ZDHHC13: variants seen among roughly 807,000 people sequenced by gnomAD.
The protein encoded by ZDHHC13 is palmitoyltransferase ZDHHC13.
A neutral mutation model predicts 86.0 loss-of-function variants in ZDHHC13; 85 were observed. The observed-to-expected ratio is 0.99, with a 90% CI of 0.83 to 1.18. The LOEUF (loss-of-function observed/expected upper bound fraction) is 1.18, where lower values mean the gene tolerates loss of function less well. Ranked by LOEUF, ZDHHC13 falls within the 50% of genes most tolerant of loss-of-function variation. The pLI is 0.00. For synonymous variants in ZDHHC13, 263 were observed against 246.4 expected (o/e 1.07, Z -0.63); for missense variants, 711 against 730.2 (o/e 0.97, Z 0.30).
chr11:19,170,828 G>A (rs1850202748), intron 15 of ZDHHC13, among the ~76,000 whole-genome samples: 1 of 152,198 alleles, frequency 6.6e-6, no homozygotes, highest in Non-Finnish European at 1.5e-5. Flanking sequence ...TGACCTAGGA[G>A]TTACCTAATC....
intron 1 of ZDHHC13, among the ~76,000 whole-genome samples, chr11:19,129,866 G>T (rs1432152986): frequency 6.6e-6 from 1 of 152,148 alleles, no homozygotes; most frequent in African/African-American, 2.4e-5. Context: ...GCCGAGGCGG[G>T]TGGATCATGA....
chr11:19,168,787 A>G, intron 14 of ZDHHC13: 1 of 985,248 alleles, frequency 1.0e-6, no homozygotes, highest in East Asian at 1.1e-4. Context: ...AATAGCTGCT[A>G]CTTCTGTACA....
In ZDHHC13 at chr11:19,163,440, C is replaced by T. The variant is rs369905642; in HGVS notation, c.1233+13C>T. ...AGAAAAGAAAGTGGTGAGATTTCTT[C>T]GTTACTGATATTTTTAATAGGAGGG... On this transcript the variant is annotated intron_variant, in intron 11 of 16. Coordinates refer to ENST00000446113, the MANE Select transcript of ZDHHC13 (RefSeq NM_019028.3). 71 of 1,572,198 alleles carry T rather than the reference C, an allele frequency of 4.5e-5. No individual in the cohort carries two copies. In the African/African-American group the frequency reaches 6.1e-4, roughly 13 times the overall value.
chr11:19,163,295 G>T lies in ZDHHC13; in HGVS notation c.1109-8G>T. ...GAAGTTTGGTGTATTCCTTAACTTG[G>T]CTTTAACATTTAGCAGGAGCCCCTT... On this transcript the variant is annotated splice_polypyrimidine_tract_variant and splice_region_variant and intron_variant, in intron 10 of 16. Transcript: ENST00000446113. 6.4e-7 allele frequency: 1 copy of T among 1,572,540 alleles called. No homozygotes were observed. The highest frequency in any genetic ancestry group is 8.6e-7 in the Non-Finnish European group (1 of 1,166,028).
chr11:19,122,616 G>A (rs1210499336), intron 1 of ZDHHC13, among the ~76,000 whole-genome samples: 1 of 152,190 alleles, frequency 6.6e-6, no homozygotes, highest in South Asian at 2.1e-4. Flanking sequence ...CTTGTAAACA[G>A]AGTATAAGGA....
At chr11:19,125,981 C>T (rs1347414774) in intron 1 of ZDHHC13, among the ~76,000 whole-genome samples, 2 of 152,108 alleles carry the variant, frequency 1.3e-5, no homozygotes, top group East Asian at 3.9e-4. Flanking sequence ...TGACTCCATA[C>T]ATACATGTGT....
rs1033319617 is a variant in ZDHHC13 at position 19,152,093 on chromosome 11, T to C, written c.585-65T>C. On this transcript the variant is annotated intron_variant, in intron 6 of 16. Transcript: ENST00000446113. ...GGCATTATCTTAAAAGATTCATAAT[T>C]TGCATTTACTCCTTAAGTCATCATC... 3.3e-6 allele frequency: 5 copies of C among 1,515,692 alleles called. No individual in the cohort carries two copies. In the Admixed American group the frequency reaches 9.7e-5, roughly 29 times the overall value. The allele number at this position is 1,515,692 out of a possible 1,614,324, so 93.9% of individuals were successfully genotyped here.
At chr11:19,122,558 C>T (rs1225112149) in intron 1 of ZDHHC13, among the ~76,000 whole-genome samples, 2 of 151,408 alleles carry the variant, frequency 1.3e-5, no homozygotes, top group East Asian at 2.0e-4. Context: ...GCTGAAGGTC[C>T]TACTGTCAAC....
At chr11:19,166,531 C>A in intron 14 of ZDHHC13, 146 bp downstream of exon 14, 1 of 557,448 alleles carries the variant, frequency 1.8e-6, no homozygotes, top group South Asian at 2.8e-5. Flanking sequence ...AAGACTCCCT[C>A]AGCATTGGGA....
chr11:19,164,446 A>T (rs774121124), intron 12 of ZDHHC13, 83 bp downstream of exon 12: 321 of 1,333,194 alleles, frequency 2.4e-4, no homozygotes, highest in Non-Finnish European at 3.2e-4. Flanking sequence ...TCAGATCTTC[A>T]TGGTATATTT....
intron 4 of ZDHHC13, chr11:19,148,844 T>C (rs1467214699): frequency 1.2e-5 from 2 of 165,366 alleles, no homozygotes; most frequent in Non-Finnish European, 2.6e-5. Flanking sequence ...CATGCGCCTG[T>C]AGTCCCCGCT....
At chr11:19,125,919 T>G (rs1848863638) in intron 1 of ZDHHC13, among the ~76,000 whole-genome samples, 1 of 152,074 alleles carries the variant, frequency 6.6e-6, no homozygotes, top group Non-Finnish European at 1.5e-5. Context: ...TGCCAAGAGT[T>G]GGTTGGGGTT....
intron 5 of ZDHHC13, among the ~76,000 whole-genome samples, chr11:19,150,285 C>G (rs1849573271): frequency 6.6e-6 from 1 of 151,930 alleles, no homozygotes; most frequent in African/African-American, 2.4e-5. Flanking sequence ...TATGATAAGT[C>G]CAGAAAGACA....
At position 19,149,343 on chromosome 11, in the gene ZDHHC13, A is replaced by G. The variant is rs764078557; in HGVS notation, c.519+12A>G. ...TCTCAAAGGGACAGGTATGTTCTGA[A>G]ATGTGTCTTATACTCCAGTTTTTAT... On this transcript the variant is annotated intron_variant, in intron 5 of 16. Coordinates refer to ENST00000446113, the MANE Select transcript of ZDHHC13 (RefSeq NM_019028.3). 8 of 1,566,136 alleles carry G rather than the reference A, an allele frequency of 5.1e-6. No homozygotes were observed. The highest frequency in any genetic ancestry group is 7.0e-6 in the Non-Finnish European group (8 of 1,150,242).
Position 19,169,913 on chromosome 11 carries a change from A to G in ZDHHC13, c.1475-498A>G, listed in dbSNP as rs573502169. 3.4e-5 allele frequency: 34 copies of G among 987,452 alleles called. No homozygotes were observed. In the South Asian group the frequency reaches 1.4e-3, roughly 39 times the overall value. 61.2% of individuals were successfully genotyped at this position (987,452 alleles called of 1,614,324 possible). On this transcript the variant is annotated intron_variant, in intron 14 of 16. Coordinates refer to ENST00000446113, the MANE Select transcript of ZDHHC13 (RefSeq NM_019028.3). ...TTAGTTATGGTGTCAGTGCAGAAGT[A>G]TACCCATGCCCAGCTCCCTGCATGC...
intron 10 of ZDHHC13, among the ~76,000 whole-genome samples, chr11:19,162,721 G>T (rs1849945488): frequency 6.6e-6 from 1 of 152,110 alleles, no homozygotes; most frequent in South Asian, 2.1e-4. Context: ...AGCTCAGCGT[G>T]CAGGATCATT....
intron 9 of ZDHHC13, 62 bp downstream of exon 9, chr11:19,155,991 T>A: frequency 2.0e-6 from 3 of 1,522,214 alleles, no homozygotes; most frequent in Non-Finnish European, 2.6e-6. Flanking sequence ...CTTATTTCTG[T>A]TGTTGGTTAG....
At chr11:19,159,311 TTTGTTGGA>T (rs199677117) in intron 10 of ZDHHC13, among the ~76,000 whole-genome samples, 1,542 of 152,252 alleles carry the variant, frequency 0.01, 15 homozygotes, top group Non-Finnish European at 0.018. Context: ...TGTACCATAA[TTTGTTGGA>T]TTGTCTTGAG....
intron 14 of ZDHHC13, chr11:19,166,610 G>C (rs1253304185): frequency 2.9e-6 from 1 of 349,302 alleles, no homozygotes; most frequent in Non-Finnish European, 5.1e-6. Context: ...AATTTGAAAA[G>C]TAGTCAAAAA....
Sources: allele counts gnomAD v4.1 joint callset (sites outside exome capture counted in the v4.1 genomes callset), GRCh38; gene constraint gnomAD v4.1.1; transcripts MANE v1.5; gene names NCBI Gene and HGNC (gene_info 2026-07-23, HGNC 2026-07-21).